CFAP52: variants seen among roughly 807,000 people sequenced by gnomAD.
CFAP52 encodes cilia- and flagella-associated protein 52.
A neutral mutation model predicts 70.5 loss-of-function variants in CFAP52; 57 were observed. That is an observed-to-expected ratio of 0.81 (90% confidence interval 0.65 to 1.01). The LOEUF (loss-of-function observed/expected upper bound fraction) is 1.01, where lower values mean the gene tolerates loss of function less well. Ranked by LOEUF, CFAP52 falls within the 50% of genes least tolerant of loss-of-function variation. The probability of loss-of-function intolerance (pLI) is 0.00; values close to 1 mark genes in which losing one functional copy is unlikely to be tolerated. For missense variants in CFAP52, 785 were observed against 788.5 expected, an observed-to-expected ratio of 1.00 and a Z score of 0.05; for synonymous variants, 267 against 292.5, an observed-to-expected ratio of 0.91 and a Z score of 0.89.
intron 8 of CFAP52, among the ~76,000 whole-genome samples, chr17:9,626,192 A>G (rs572121420): frequency 6.6e-6 from 1 of 152,208 alleles, no homozygotes; most frequent in Non-Finnish European, 1.5e-5. Context: ...TTGACTGCCA[A>G]GGAAGTGGAT....
chr17:9,593,538 C>T (rs1271216020), intron 3 of CFAP52, among the ~76,000 whole-genome samples: 1 of 152,110 alleles, frequency 6.6e-6, no homozygotes, highest in African/African-American at 2.4e-5. Flanking sequence ...TCACTGCGAC[C>T]TCCACCTCCC....
chr17:9,580,306 C>A (rs1203248335), intron 1 of CFAP52, among the ~76,000 whole-genome samples: 1 of 125,680 alleles, frequency 8.0e-6, no homozygotes, highest in African/African-American at 2.8e-5. Flanking sequence ...TATTTACTCT[C>A]TGGACCTTTC....
intron 5 of CFAP52, among the ~76,000 whole-genome samples, chr17:9,598,887 G>A (rs955627370): frequency 6.6e-6 from 1 of 151,810 alleles, no homozygotes; most frequent in Non-Finnish European, 1.5e-5. Context: ...ATCAAACACC[G>A]AAAGCCTGCC....
intron 6 of CFAP52, among the ~76,000 whole-genome samples, chr17:9,605,336 G>A (rs1370685731): frequency 6.6e-6 from 1 of 152,204 alleles, no homozygotes; most frequent in Non-Finnish European, 1.5e-5. Context: ...ACATTACTGA[G>A]TGGAAGATGC....
chr17:9,635,468 T>C lies in CFAP52; in HGVS notation c.1384T>C (p.Ser462Pro). The C allele has an allele frequency of 1.9e-6, 3 of 1,614,108 alleles. No individual in the cohort carries two copies. Among genetic ancestry groups the C allele is most frequent in the Non-Finnish European group, 1.7e-6 (2 of 1,180,032 alleles). The change falls in exon 11 of 14, where the codon TCA becomes CCA. Residue 462 changes from serine (S) to proline (P), a missense_variant. By Grantham distance (74) the Ser-to-Pro change is moderately conservative (BLOSUM62 -1). Transcript: ENST00000352665. ...GGAGGAGGCCCTGAAGGAACACAAG[T>C]CATCAGTGTCCTGCATTAGGGTGAA... is the stretch of plus-strand genomic sequence containing the variant. Reference protein sequence around the residue: ...KLEEALKEHKSSVSCIRVKRN... With the variant: ...KLEEALKEHKPSVSCIRVKRN...
At chr17:9,586,873 T>C (rs769013396) in intron 3 of CFAP52, 39 bp downstream of exon 3, 50 of 1,543,262 alleles carry the variant, frequency 3.2e-5, no homozygotes, top group Middle Eastern at 1.8e-4. Flanking sequence ...TCTTTATTTT[T>C]TTTAACTTTT....
intron 1 of CFAP52, among the ~76,000 whole-genome samples, chr17:9,581,829 C>A (rs888946551): frequency 2.6e-5 from 4 of 152,202 alleles, no homozygotes; most frequent in African/African-American, 9.7e-5. Context: ...ATTGGCTCAG[C>A]CAATCAGACA....
intron 6 of CFAP52, among the ~76,000 whole-genome samples, chr17:9,604,887 A>G (rs951310934): frequency 2.6e-5 from 4 of 152,200 alleles, no homozygotes; most frequent in Non-Finnish European, 5.9e-5. Flanking sequence ...TAAAACAGCA[A>G]TGAGGCACGA....
At chr17:9,598,175 A>T in intron 4 of CFAP52, 59 bp from the exon 5 acceptor site, 1 of 1,327,028 alleles carries the variant, frequency 7.5e-7, no homozygotes, top group South Asian at 1.2e-5. Flanking sequence ...TCAGGGATGA[A>T]GTGATTATTA....
At chr17:9,638,043 C>T (rs1910886754) in intron 11 of CFAP52, among the ~76,000 whole-genome samples, 1 of 152,222 alleles carries the variant, frequency 6.6e-6, no homozygotes, top group Non-Finnish European at 1.5e-5. Flanking sequence ...GACATCCCCA[C>T]GTGACAGGCT....
intron 5 of CFAP52, chr17:9,598,548 G>A: frequency 2.7e-6 from 1 of 366,284 alleles, no homozygotes; most frequent in Non-Finnish European, 5.0e-6. Flanking sequence ...AATCACTTGA[G>A]GTCATGAGTT....
intron 1 of CFAP52, among the ~76,000 whole-genome samples, chr17:9,585,543 T>A (rs12951385): frequency 6.6e-6 from 1 of 151,328 alleles, no homozygotes; most frequent in African/African-American, 2.4e-5. Context: ...TGGTGGCGGG[T>A]GCCTGTAATC....
At chr17:9,642,207 C>T (rs190781220) in intron 13 of CFAP52, among the ~76,000 whole-genome samples, 44 of 152,276 alleles carry the variant, frequency 2.9e-4, no homozygotes, top group African/African-American at 9.4e-4. Context: ...TTGCATGATG[C>T]GATGCCCTTC....
intron 1 of CFAP52, among the ~76,000 whole-genome samples, chr17:9,580,904 C>G (rs1024325418): frequency 6.6e-6 from 1 of 152,174 alleles, no homozygotes; most frequent in African/African-American, 2.4e-5. Flanking sequence ...CTTTTAAGAA[C>G]TTGAATCACT....
At chr17:9,598,777 A>C (rs1043897236) in intron 5 of CFAP52, among the ~76,000 whole-genome samples, 1 of 151,680 alleles carries the variant, frequency 6.6e-6, no homozygotes. Flanking sequence ...AAAAGAAGAA[A>C]AAGTTCACCT....
chr17:9,642,556 G>A (rs566538447), intron 13 of CFAP52, among the ~76,000 whole-genome samples: 99 of 152,238 alleles, frequency 6.5e-4, no homozygotes, highest in Admixed American at 6.1e-3. Flanking sequence ...CCTGGGAGGC[G>A]GAGGCTGCAG....
chr17:9,613,398 T>G (rs896943990), intron 8 of CFAP52, among the ~76,000 whole-genome samples: 1 of 152,152 alleles, frequency 6.6e-6, no homozygotes, highest in Admixed American at 6.6e-5. Flanking sequence ...GTTTTTGCTC[T>G]GAACTTCCTC....
At chr17:9,641,389 C>T (rs535046053) in intron 12 of CFAP52, among the ~76,000 whole-genome samples, 50 of 152,258 alleles carry the variant, frequency 3.3e-4, no homozygotes, top group Non-Finnish European at 1.9e-4. Context: ...TCCCTCCAGG[C>T]CTGAAGCTTA....
At chr17:9,607,695 T>C (rs891912988) in intron 6 of CFAP52, among the ~76,000 whole-genome samples, 3 of 152,246 alleles carry the variant, frequency 2.0e-5, no homozygotes, top group African/African-American at 7.2e-5. Context: ...GAGGTTATGC[T>C]TATACCTTCT....
Sources: gnomAD v4.1 joint callset for allele counts (sites outside exome capture counted in the v4.1 genomes callset) on GRCh38, gnomAD v4.1.1 for gene constraint, MANE v1.5 for transcripts, NCBI Gene and HGNC (gene_info 2026-07-23, HGNC 2026-07-21) for gene names.